Variants in PTK2 observed in about 807,000 individuals in gnomAD.
PTK2 encodes focal adhesion kinase 1.
In PTK2, 45 loss-of-function variants were observed where a neutral mutation model predicts 150.1. That is an observed-to-expected ratio of 0.30 (90% confidence interval 0.24 to 0.38). The LOEUF (loss-of-function observed/expected upper bound fraction) is 0.38, where lower values mean the gene tolerates loss of function less well. Ranked by LOEUF, PTK2 falls within the 10% of genes least tolerant of loss-of-function variation. The pLI, the probability that PTK2 is intolerant of heterozygous loss-of-function variation, is 1.00. For missense variants in PTK2, 919 were observed against 1,307.3 expected (o/e 0.70, Z 4.58); for synonymous variants, 432 against 449.2 (o/e 0.96, Z 0.48).
chr8:140,669,748 G>A lies in PTK2; in HGVS notation c.2710-1324C>T, dbSNP rs757185527. The A allele has an allele frequency of 1.2e-4, 187 of 1,532,672 alleles. No individual in the cohort carries two copies. The highest frequency in any genetic ancestry group is 1.4e-4 in the Non-Finnish European group (164 of 1,144,162). The allele number at this position is 1,532,672 out of a possible 1,614,324, so 94.9% of individuals were successfully genotyped here. ...TTACCCTCCATGGCTATTGTCGAAC[G>A]GAAGGTGAGGAAAAGTTAAAGGAAT... On this transcript the variant is annotated intron_variant, in intron 29 of 31. Transcript: ENST00000522684.
chr8:140,959,538 CAAAAAAAAAAAA>C (rs34010616), intron 1 of PTK2, among the ~76,000 whole-genome samples: 1 of 85,060 alleles, frequency 1.2e-5, no homozygotes, highest in Non-Finnish European at 2.2e-5. Context: ...GACTCTGTCT[CAAAAAAAAAAAA>C]AAAAAAAAGT....
intron 3 of PTK2, among the ~76,000 whole-genome samples, chr8:140,883,326 C>T (rs1311097056): frequency 6.6e-6 from 1 of 152,142 alleles, no homozygotes; most frequent in African/African-American, 2.4e-5. Context: ...TGACAATGAA[C>T]ATGTGCAAAT....
chr8:140,694,276 C>T (rs574172659), intron 26 of PTK2, among the ~76,000 whole-genome samples: 12 of 152,002 alleles, frequency 7.9e-5, no homozygotes, highest in South Asian at 2.1e-4. Flanking sequence ...CTCCTGACCT[C>T]GTGATCCGTC....
intron 5 of PTK2, among the ~76,000 whole-genome samples, chr8:140,847,521 T>C (rs2100126317): frequency 1.3e-5 from 2 of 152,234 alleles, no homozygotes; most frequent in Non-Finnish European, 1.5e-5. Flanking sequence ...TTGATTTTGA[T>C]GAGAGTACCC....
intron 2 of PTK2, among the ~76,000 whole-genome samples, chr8:140,904,744 G>A (rs2100160168): frequency 6.6e-6 from 1 of 152,094 alleles, no homozygotes; most frequent in Admixed American, 6.5e-5. Flanking sequence ...TATGTGTCCA[G>A]GAATGTATCC....
At chr8:140,688,862 C>T (rs953874277) in intron 26 of PTK2, among the ~76,000 whole-genome samples, 2 of 152,158 alleles carry the variant, frequency 1.3e-5, no homozygotes, top group African/African-American at 4.8e-5. Flanking sequence ...ATTCTTACTG[C>T]AGATGTGATA....
intron 3 of PTK2, among the ~76,000 whole-genome samples, chr8:140,879,977 A>G (rs1326917249): frequency 3.3e-5 from 5 of 152,198 alleles, no homozygotes; most frequent in Non-Finnish European, 7.3e-5. Context: ...CCAACCTGTC[A>G]AAGCACACCA....
chr8:140,928,348 T>C (rs146642801), intron 1 of PTK2, among the ~76,000 whole-genome samples: 88 of 152,310 alleles, frequency 5.8e-4, no homozygotes, highest in African/African-American at 2.0e-3. Context: ...CCCTTGTGTA[T>C]TGTTGGTGGG....
intron 22 of PTK2, chr8:140,721,512 A>T (rs1200825464): frequency 2.0e-5 from 3 of 152,202 alleles, no homozygotes; most frequent in Admixed American, 1.3e-4. Context: ...ATAAAACACC[A>T]GTAAATCCAT....
At chr8:140,864,032 G>C (rs1349520420) in intron 5 of PTK2, among the ~76,000 whole-genome samples, 1 of 152,040 alleles carries the variant, frequency 6.6e-6, no homozygotes, top group Non-Finnish European at 1.5e-5. Flanking sequence ...TTGCTATTCA[G>C]GCATAATAAT....
At chr8:140,840,500 G>A (rs1181173067) in intron 7 of PTK2, among the ~76,000 whole-genome samples, 2 of 152,184 alleles carry the variant, frequency 1.3e-5, no homozygotes, top group African/African-American at 2.4e-5. Flanking sequence ...GTTGGAAGAA[G>A]ATGGGGAGAG....
intron 8 of PTK2, among the ~76,000 whole-genome samples, chr8:140,829,408 T>TA (rs1244522771): frequency 4.6e-5 from 7 of 152,188 alleles, no homozygotes; most frequent in African/African-American, 1.7e-4. Flanking sequence ...TTGCATCTGA[T>TA]AAATTATACC....
rs1420814396 is a variant in PTK2, at chr8:140,813,634, C to T, written c.867+4643G>A. Among the ~76,000 whole-genome samples, 3 of 152,194 alleles carry T rather than the reference C, an allele frequency of 2.0e-5. No homozygotes were observed. In the South Asian group the frequency reaches 6.2e-4, roughly 31 times the overall value. On this transcript the variant is annotated intron_variant, in intron 10 of 31. Coordinates refer to ENST00000522684, the Ensembl canonical transcript of PTK2. ...ACACAATGTACCAGAATCTCTGGGA[C>T]ACAGGTAAGGCAGTGTTAACAGGTA...
chr8:140,764,119 A>G (rs756665310), intron 15 of PTK2, 115 bp downstream of exon 17: 1 of 863,836 alleles, frequency 1.2e-6, no homozygotes, highest in Admixed American at 1.7e-5. Context: ...ATTTCTGTTC[A>G]GCATCCAAGG....
Position 140,959,468 on chromosome 8 carries a change from G to A in PTK2, c.-121-33719C>T, listed in dbSNP as rs568911593. On this transcript the variant is annotated intron_variant, in intron 1 of 31. Transcript: ENST00000522684. ...GTAAGAGAATGGCGTGAACCCAGGA[G>A]GCGGAGCTTGCAGTGAGCGGAGATC... Among the ~76,000 whole-genome samples, 18 of 150,500 alleles carry A rather than the reference G, an allele frequency of 1.2e-4. No individual in the cohort carries two copies. In the East Asian group the frequency reaches 2.9e-3, roughly 24 times the overall value.
intron 21 of PTK2, among the ~76,000 whole-genome samples, chr8:140,738,422 C>G (rs1299647485): frequency 6.6e-6 from 1 of 151,964 alleles, no homozygotes; most frequent in African/African-American, 2.4e-5. Context: ...TAAATGAGAG[C>G]CACACTTCTA....
chr8:140,818,700 T>C (rs2154601735), intron 9 of PTK2, among the ~76,000 whole-genome samples, 180 bp downstream of exon 9: 1 of 152,322 alleles, frequency 6.6e-6, no homozygotes, highest in Non-Finnish European at 1.5e-5. Context: ...AAAAGGTGAT[T>C]TTATTCTCAC....
chr8:140,724,637 C>G (rs539049194), intron 22 of PTK2, among the ~76,000 whole-genome samples: 1 of 152,112 alleles, frequency 6.6e-6, no homozygotes, highest in Non-Finnish European at 1.5e-5. Context: ...AGAGAGAGAA[C>G]AGCAATAAAT....
At chr8:140,662,721 C>A in intron 31 of PTK2, 1 of 594,808 alleles carries the variant, frequency 1.7e-6, no homozygotes, top group Admixed American at 2.1e-5. Flanking sequence ...CTGGAACATC[C>A]CCTGGACATC....
Sources: allele counts gnomAD v4.1 joint callset (sites outside exome capture counted in the v4.1 genomes callset), GRCh38; gene constraint gnomAD v4.1.1; transcripts MANE v1.5; gene names NCBI Gene and HGNC (gene_info 2026-07-23, HGNC 2026-07-21).